MINAR2: variants seen among roughly 807,000 people sequenced by gnomAD.
MINAR2 encodes the protein membrane integral NOTCH2 associated receptor 2, also known as major intrinsically disordered NOTCH2-binding receptor 1-like.
A neutral mutation model predicts 16.1 loss-of-function variants in MINAR2; 21 were observed. The ratio of observed to expected loss-of-function variants is 1.31; its 90% CI spans 0.93 to 1.88. The LOEUF (loss-of-function observed/expected upper bound fraction) is 1.88. MINAR2 is among the 40% of genes most tolerant of loss of function. MINAR2 has a pLI of 0.00. For missense variants in MINAR2, 259 were observed against 229.8 expected (o/e 1.13, Z -0.82); for synonymous variants, 86 against 83.0 (o/e 1.04, Z -0.20).
intron 1 of MINAR2, among the ~76,000 whole-genome samples, chr5:129,759,403 T>G (rs1483171182): frequency 3.3e-5 from 5 of 152,150 alleles, no homozygotes; most frequent in Non-Finnish European, 7.4e-5. Flanking sequence ...TTCTTCTCAA[T>G]TTGTATTTGA....
chr5:129,760,355 T>C (rs955437177), intron 1 of MINAR2, 23 bp from the exon 2 acceptor site: 14 of 1,517,634 alleles, frequency 9.2e-6, no homozygotes, highest in African/African-American at 1.4e-5. Flanking sequence ...TGCTAAGAGA[T>C]GCCTTGTTTC....
At chr5:129,748,420 C>A in intron 1 of MINAR2, 65 bp downstream of exon 1, 1 of 1,473,398 alleles carries the variant, frequency 6.8e-7, no homozygotes, top group Non-Finnish European at 9.1e-7. Context: ...TCTGCCATTT[C>A]ACCATTTATG....
intron 1 of MINAR2, among the ~76,000 whole-genome samples, chr5:129,758,842 A>G (rs188402583): frequency 1.3e-5 from 2 of 152,172 alleles, no homozygotes; most frequent in African/African-American, 4.8e-5. Flanking sequence ...CTTTTGAAGC[A>G]GTCTATCTTT....
At chr5:129,761,077 C>A (rs558559201) in intron 2 of MINAR2, among the ~76,000 whole-genome samples, 104 of 152,274 alleles carry the variant, frequency 6.8e-4, no homozygotes, top group African/African-American at 2.4e-3. Flanking sequence ...TTTAAGATTG[C>A]AGATTTACAT....
In MINAR2 at chr5:129,760,496, G is replaced by T; in HGVS notation, c.284G>T (p.Gly95Val). The change falls in exon 2 of 3, where the codon GGT becomes GTT. Residue 95 changes from glycine (G) to valine (V), a missense_variant. Physicochemically the swap from Gly to Val is moderately radical, Grantham distance 109 (BLOSUM62 -3). Coordinates refer to ENST00000564719, the MANE Select transcript of MINAR2 (RefSeq NM_001257308.2). ...SSVMKNNPLYGDLSLEEAMEE... is the reference protein window; with the variant it reads ...SSVMKNNPLYVDLSLEEAMEE... ...GTTATGAAGAATAACCCACTCTATG[G>T]TGACCTAAGTTTGGAGGAAGCTATG... 6.5e-7 allele frequency: 1 copy of T among 1,535,740 alleles called. No individual in the cohort carries two copies. Among genetic ancestry groups the T allele is most frequent in the Non-Finnish European group, 8.7e-7 (1 of 1,146,582 alleles).
chr5:129,765,274 G>C lies in MINAR2; in HGVS notation c.*211G>C, dbSNP rs955810754. 5.3e-6 allele frequency: 2 copies of C among 380,910 alleles called. No homozygotes were observed. Among genetic ancestry groups the C allele is most frequent in the East Asian group, 7.5e-5 (2 of 26,586 alleles). The allele number at this position is 380,910 out of a possible 1,614,324, so 23.6% of individuals were successfully genotyped here. A position where few individuals can be genotyped will look rare whatever the true frequency, so the allele number is the denominator to read the frequency against. ...ACTTTGTTCTATAAAAGCTTTCTAA[G>C]AGTGCCACCCTGAACTTTGGGAAGC... On this transcript the variant is annotated 3_prime_UTR_variant, in exon 3 of 3. Transcript: ENST00000564719.
chr5:129,749,541 T>C (rs1757961035), intron 1 of MINAR2, among the ~76,000 whole-genome samples: 2 of 152,162 alleles, frequency 1.3e-5, no homozygotes, highest in African/African-American at 4.8e-5. Context: ...TACCCAGCCA[T>C]CTTGTTGTTG....
chr5:129,756,422 T>C (rs1336432280), intron 1 of MINAR2, among the ~76,000 whole-genome samples: 1 of 151,976 alleles, frequency 6.6e-6, no homozygotes, highest in Non-Finnish European at 1.5e-5. Context: ...GGTGCACCCA[T>C]CACCCAAGCA....
chr5:129,757,267 A>T (rs1444385203), intron 1 of MINAR2, among the ~76,000 whole-genome samples: 1 of 151,928 alleles, frequency 6.6e-6, no homozygotes. Flanking sequence ...CCAATATAAA[A>T]TCAGAAACAG....
chr5:129,764,062 A>G (rs1758174242), intron 2 of MINAR2, among the ~76,000 whole-genome samples: 2 of 152,224 alleles, frequency 1.3e-5, no homozygotes, highest in African/African-American at 4.8e-5. Flanking sequence ...TACAGCACCA[A>G]AACATAGCAA....
chr5:129,762,285 A>G (rs562804308), intron 2 of MINAR2, among the ~76,000 whole-genome samples: 2 of 152,266 alleles, frequency 1.3e-5, no homozygotes, highest in South Asian at 4.1e-4. Flanking sequence ...AGAAACCAAA[A>G]TGCCTTTTCC....
chr5:129,759,808 A>G (rs11242006), intron 1 of MINAR2, among the ~76,000 whole-genome samples: 75,664 of 151,854 alleles, frequency 0.5, 20,763 homozygotes, highest in Non-Finnish European at 0.62. Context: ...CCTGAAAATC[A>G]GTATTAGAGC....
At chr5:129,756,068 G>T (rs1397754638) in intron 1 of MINAR2, among the ~76,000 whole-genome samples, 1 of 151,860 alleles carries the variant, frequency 6.6e-6, no homozygotes. Flanking sequence ...TCTTTGAAAT[G>T]TATTTTTAAA....
At chr5:129,749,550 T>G (rs1757961336) in intron 1 of MINAR2, among the ~76,000 whole-genome samples, 1 of 152,146 alleles carries the variant, frequency 6.6e-6, no homozygotes, top group Non-Finnish European at 1.5e-5. Flanking sequence ...ATCTTGTTGT[T>G]GTTGTATTTG....
At chr5:129,758,346 T>C (rs1561684980) in intron 1 of MINAR2, among the ~76,000 whole-genome samples, 1 of 151,988 alleles carries the variant, frequency 6.6e-6, no homozygotes, top group Admixed American at 6.6e-5. Context: ...GTATTGCTTA[T>C]TTTGTGATTA....
intron 1 of MINAR2, among the ~76,000 whole-genome samples, chr5:129,751,363 C>A (rs1422638685): frequency 6.6e-6 from 1 of 152,128 alleles, no homozygotes; most frequent in Admixed American, 6.5e-5. Flanking sequence ...CACCCGCCAC[C>A]ATGCCCAGCT....
At chr5:129,761,413 C>T (rs1758133688) in intron 2 of MINAR2, among the ~76,000 whole-genome samples, 1 of 152,088 alleles carries the variant, frequency 6.6e-6, no homozygotes, top group African/African-American at 2.4e-5. Context: ...ACCTTAAGCA[C>T]TCGAGAATTT....
chr5:129,756,779 T>A (rs769166567), intron 1 of MINAR2, among the ~76,000 whole-genome samples: 2 of 151,866 alleles, frequency 1.3e-5, no homozygotes, highest in Non-Finnish European at 2.9e-5. Context: ...ATTTTACTAA[T>A]GTTAACTAAC....
chr5:129,749,497 A>G (rs1757960232), intron 1 of MINAR2, among the ~76,000 whole-genome samples: 1 of 152,108 alleles, frequency 6.6e-6, no homozygotes, highest in South Asian at 2.1e-4. Flanking sequence ...TGCATCAATC[A>G]CTTTGGTAAT....
Sources: gnomAD v4.1 joint callset for allele counts (sites outside exome capture counted in the v4.1 genomes callset) on GRCh38, gnomAD v4.1.1 for gene constraint, MANE v1.5 for transcripts, NCBI Gene and HGNC (gene_info 2026-07-23, HGNC 2026-07-21) for gene names.